FSTL5: variants seen among roughly 807,000 people sequenced by gnomAD.
FSTL5 encodes follistatin like 5.
A neutral mutation model predicts 89.1 loss-of-function variants in FSTL5; 62 were observed. The observed-to-expected ratio is 0.70, with a 90% CI of 0.57 to 0.86. The LOEUF (loss-of-function observed/expected upper bound fraction) is 0.86. FSTL5 is among the 40% of genes least tolerant of loss of function. The pLI, the probability that FSTL5 is intolerant of heterozygous loss-of-function variation, is 0.00. For synonymous variants in FSTL5, 383 were observed against 346.2 expected, an observed-to-expected ratio of 1.11 and a Z score of -1.18; for missense variants, 1,057 against 1,001.6, an observed-to-expected ratio of 1.06 and a Z score of -0.75.
At chr4:162,070,601 A>G (rs1729577718) in intron 2 of FSTL5, among the ~76,000 whole-genome samples, 1 of 151,878 alleles carries the variant, frequency 6.6e-6, no homozygotes, top group South Asian at 2.1e-4. Flanking sequence ...CATTTACTGA[A>G]GAGGCTGTTA....
Position 161,589,006 on chromosome 4 carries a change from T to TTG in FSTL5, c.895-1432_895-1431insCA, listed in dbSNP as rs555609878. ...GAGCCCTATCCCTAATGTTTTTTTT[T>TTG]TTTTTTTTTGAGGCAGGGTTCCCAG... On this transcript the variant is annotated intron_variant, in intron 7 of 15. Coordinates refer to ENST00000306100, the MANE Select transcript of FSTL5 (RefSeq NM_020116.5). 3.9e-3 allele frequency among the ~76,000 whole-genome samples: 580 copies of TTG among 150,482 alleles called. 2 individuals carry two copies. Among genetic ancestry groups the TTG allele is most frequent in the Middle Eastern group, 0.014 (4 of 288 alleles).
At chr4:161,425,934 A>AT (rs201056664) in intron 15 of FSTL5, among the ~76,000 whole-genome samples, 136 of 145,612 alleles carry the variant, frequency 9.3e-4, no homozygotes, top group South Asian at 2.4e-3. Context: ...TGCTGTAGGG[A>AT]TTTTTTTTTT....
intron 7 of FSTL5, among the ~76,000 whole-genome samples, chr4:161,643,616 C>T (rs527678938): frequency 2.0e-5 from 3 of 152,084 alleles, no homozygotes; most frequent in Admixed American, 6.6e-5. Context: ...GATTAAACAA[C>T]GATCATGTAT....
At chr4:161,764,131 G>T (rs531279945) in intron 5 of FSTL5, among the ~76,000 whole-genome samples, 23 of 152,218 alleles carry the variant, frequency 1.5e-4, no homozygotes, top group African/African-American at 4.8e-4. Flanking sequence ...TATTAAGTGA[G>T]ATAATTACAT....
At chr4:161,394,026 G>C (rs1332014502) in intron 15 of FSTL5, among the ~76,000 whole-genome samples, 3 of 152,180 alleles carry the variant, frequency 2.0e-5, no homozygotes, top group Admixed American at 2.0e-4. Context: ...TAGCTAAAGA[G>C]TGTGAAAAAC....
At chr4:161,386,528 A>T in intron 15 of FSTL5, 79 bp from the exon 16 acceptor site, 1 of 946,176 alleles carries the variant, frequency 1.1e-6, no homozygotes. Context: ...TACAGGTGGA[A>T]AGGTCCATCG....
chr4:161,730,794 G>A lies in FSTL5; in HGVS notation c.727+28617C>T, dbSNP rs144025621. Among the ~76,000 whole-genome samples, 127 of 152,244 alleles carry A rather than the reference G, an allele frequency of 8.3e-4. 1 individual carries two copies. The highest frequency in any genetic ancestry group is 3.0e-3 in the African/African-American group (124 of 41,546). On this transcript the variant is annotated intron_variant, in intron 6 of 15. Transcript: ENST00000306100. ...GAATATTTAAAGCATAGAGATTTTA[G>A]AGTAGTTTAGATTTACAGATGAACA...
intron 4 of FSTL5, among the ~76,000 whole-genome samples, chr4:161,791,032 G>C (rs1231858726): frequency 6.6e-6 from 1 of 152,130 alleles, no homozygotes; most frequent in Non-Finnish European, 1.5e-5. Flanking sequence ...AGATGCATGA[G>C]GCATGATCTG....
chr4:161,805,957 C>A (rs1012303802), intron 4 of FSTL5, among the ~76,000 whole-genome samples: 1 of 152,010 alleles, frequency 6.6e-6, no homozygotes, highest in South Asian at 2.1e-4. Flanking sequence ...TATATTGTTA[C>A]AATTCTATCT....
chr4:161,732,812 C>T (rs889428686), intron 6 of FSTL5, among the ~76,000 whole-genome samples: 4 of 150,902 alleles, frequency 2.7e-5, no homozygotes, highest in South Asian at 2.1e-4. Context: ...ACGTTATCTG[C>T]TTTTTTTAAT....
At chr4:161,915,269 T>C (rs1733806257) in intron 4 of FSTL5, among the ~76,000 whole-genome samples, 2 of 152,148 alleles carry the variant, frequency 1.3e-5, no homozygotes, top group South Asian at 4.1e-4. Context: ...CCTGCTGGCA[T>C]TCTCTGTATC....
At chr4:161,980,271 AAGAAAG>A (rs1455525595) in intron 3 of FSTL5, among the ~76,000 whole-genome samples, 2 of 88,574 alleles carry the variant, frequency 2.3e-5, no homozygotes, top group East Asian at 6.9e-4. Flanking sequence ...AAAAGAAAGA[AAGAAAG>A]AAAGAAAGAA....
chr4:161,455,032 T>C lies in FSTL5; in HGVS notation c.1813A>G (p.Thr605Ala). The C allele has an allele frequency of 6.2e-7, 1 of 1,613,632 alleles. No individual in the cohort carries two copies. Among genetic ancestry groups the C allele is most frequent in the Non-Finnish European group, 8.5e-7 (1 of 1,179,776 alleles). ...ATATGGGTGATAATGAGTGTTGTGGTGGGAATGAAAAAATCATCCACTCTG... is the reference window on the plus strand; with the variant it reads ...ATATGGGTGATAATGAGTGTTGTGGCGGGAATGAAAAAATCATCCACTCTG... ...FDRVDDFFIPTTTLIITHMRF... is the reference protein window; with the variant it reads ...FDRVDDFFIPATTLIITHMRF... The change falls in exon 15 of 16, where the codon ACC becomes GCC. Residue 605 changes from threonine (T) to alanine (A), a missense_variant. By Grantham distance (58) the Thr-to-Ala change is moderately conservative (BLOSUM62 0). Around this residue, in one of 3 missense-constraint regions of FSTL5, gnomAD observed 980 missense variants for 903.2 expected, o/e 1.08. Coordinates refer to ENST00000306100, the MANE Select transcript of FSTL5 (RefSeq NM_020116.5).
At chr4:161,528,362 T>A (rs1172510039) in intron 10 of FSTL5, among the ~76,000 whole-genome samples, 1 of 143,274 alleles carries the variant, frequency 7.0e-6, no homozygotes, top group African/African-American at 2.5e-5. Flanking sequence ...AACATAAATA[T>A]AAAATGCACA....
intron 3 of FSTL5, among the ~76,000 whole-genome samples, chr4:161,928,342 C>G (rs752736154): frequency 7.2e-5 from 11 of 151,766 alleles, no homozygotes; most frequent in Non-Finnish European, 1.3e-4. Flanking sequence ...TCAGGTTTGG[C>G]ATTGTAAATA....
intron 4 of FSTL5, among the ~76,000 whole-genome samples, chr4:161,820,647 A>G (rs1185667294): frequency 2.0e-5 from 3 of 152,170 alleles, no homozygotes; most frequent in Non-Finnish European, 4.4e-5. Flanking sequence ...AGAGCCTTCC[A>G]GAGGTGATTC....
rs184356332 is a variant in FSTL5, at chr4:161,653,749, G to T, written c.894+2579C>A. On this transcript the variant is annotated intron_variant, in intron 7 of 15. Transcript: ENST00000306100. ...ACATTACATAGTCATATCGATAAAT[G>T]CATCAAAATGTATTTTCATAATTTG... Among the ~76,000 whole-genome samples the T allele has an allele frequency of 2.0e-5, 3 of 152,184 alleles. No individual in the cohort carries two copies. In the East Asian group the frequency reaches 5.8e-4, roughly 29 times the overall value.
At chr4:161,685,344 G>A (rs1246404394) in intron 6 of FSTL5, among the ~76,000 whole-genome samples, 1 of 152,076 alleles carries the variant, frequency 6.6e-6, no homozygotes, top group Non-Finnish European at 1.5e-5. Context: ...TGGCAGTATG[G>A]TCGTTTTCAC....
At chr4:161,977,001 C>T (rs1735670115) in intron 3 of FSTL5, among the ~76,000 whole-genome samples, 1 of 152,036 alleles carries the variant, frequency 6.6e-6, no homozygotes. Context: ...TTCATTTTAT[C>T]CATTCAGATA....
Sources: gnomAD v4.1 joint callset for allele counts (sites outside exome capture counted in the v4.1 genomes callset) on GRCh38, gnomAD v4.1.1 for gene constraint, gnomAD v4.1.1 regional missense constraint, MANE v1.5 for transcripts, NCBI Gene and HGNC (gene_info 2026-07-23, HGNC 2026-07-21) for gene names.